Variants in SH3RF3 observed in about 807,000 individuals in gnomAD.
The protein encoded by SH3RF3 is E3 ubiquitin-protein ligase SH3RF3.
In SH3RF3, 29 loss-of-function variants were observed where a neutral mutation model predicts 66.3. The observed-to-expected ratio is 0.44, with a 90% CI of 0.33 to 0.60. The LOEUF is 0.60. Among genes scored for constraint, SH3RF3 ranks in the 20% least tolerant of loss-of-function variants. SH3RF3 has a pLI of 0.04. For missense variants in SH3RF3, 1,194 were observed against 1,190.9 expected (o/e 1.00, Z -0.04); for synonymous variants, 583 against 532.0 (o/e 1.10, Z -1.32).
intron 6 of SH3RF3, among the ~76,000 whole-genome samples, chr2:109,434,752 C>G (rs926837589): frequency 1.3e-5 from 2 of 152,256 alleles, no homozygotes; most frequent in Non-Finnish European, 2.9e-5. Flanking sequence ...CAGGATCCCC[C>G]CTCACAGGCC....
chr2:109,293,141 A>G (rs1050521038), intron 1 of SH3RF3, among the ~76,000 whole-genome samples: 1 of 152,228 alleles, frequency 6.6e-6, no homozygotes. Flanking sequence ...GGAATGGGAC[A>G]CAGGGACAGA....
chr2:109,446,822 G>A lies in SH3RF3; in HGVS notation c.1829-2348G>A, dbSNP rs868107090. Among the ~76,000 whole-genome samples, 13 of 152,168 alleles carry A rather than the reference G, an allele frequency of 8.5e-5. No individual in the cohort carries two copies. In the East Asian group the frequency reaches 1.6e-3, roughly 18 times the overall value. On this transcript the variant is annotated intron_variant, in intron 7 of 9. Transcript: ENST00000309415. ...GTAGTGCGGCAGGCGAGGGGAAGCC[G>A]GCCAGGAGGTAGAGGCCAGCCACGC... is the stretch of plus-strand genomic sequence containing the variant.
Position 109,213,167 on chromosome 2 carries a change from T to C in SH3RF3, c.573+83054T>C, listed in dbSNP as rs373054251. ...GTTTTTAAACTGGGTTTAAACCACA[T>C]GGGCGCGGTTGCTTATTCTCTTCCT... On this transcript the variant is annotated intron_variant, in intron 1 of 9. Transcript: ENST00000309415. Among the ~76,000 whole-genome samples, 7 of 152,244 alleles carry C rather than the reference T, an allele frequency of 4.6e-5. No individual in the cohort carries two copies. In the East Asian group the frequency reaches 9.7e-4, roughly 21 times the overall value.
chr2:109,471,206 CAAAAAAA>C (rs61224177), intron 8 of SH3RF3, among the ~76,000 whole-genome samples: 2,224 of 40,172 alleles, frequency 0.055, 65 homozygotes, highest in African/African-American at 0.13. Flanking sequence ...GACTCTGTCT[CAAAAAAA>C]AAAAAAAAAA....
At chr2:109,407,846 G>A (rs570760490) in intron 4 of SH3RF3, among the ~76,000 whole-genome samples, 33 of 152,208 alleles carry the variant, frequency 2.2e-4, no homozygotes, top group Non-Finnish European at 3.8e-4. Context: ...TGGCCTTTAA[G>A]TGGGGACAGA....
At chr2:109,174,686 T>G (rs1677876934) in intron 1 of SH3RF3, among the ~76,000 whole-genome samples, 1 of 152,262 alleles carries the variant, frequency 6.6e-6, no homozygotes, top group African/African-American at 2.4e-5. Flanking sequence ...GATGATATTT[T>G]CAGGATAGGG....
chr2:109,485,058 A>G (rs1393843581), intron 8 of SH3RF3, among the ~76,000 whole-genome samples: 1 of 152,256 alleles, frequency 6.6e-6, no homozygotes, highest in Non-Finnish European at 1.5e-5. Flanking sequence ...CAGCATGTGC[A>G]GGGTTCTGCA....
At chr2:109,440,415 C>T (rs986086584) in intron 7 of SH3RF3, among the ~76,000 whole-genome samples, 2 of 152,188 alleles carry the variant, frequency 1.3e-5, no homozygotes, top group South Asian at 2.1e-4. Context: ...CATGGAGGTT[C>T]TTCTAGACCA....
At chr2:109,388,179 C>CT (rs1675875632) in intron 3 of SH3RF3, among the ~76,000 whole-genome samples, 1 of 152,196 alleles carries the variant, frequency 6.6e-6, no homozygotes, top group African/African-American at 2.4e-5. Context: ...GGTTGAAATA[C>CT]TTTGTCACTT....
chr2:109,302,023 G>A (rs1380583333), intron 1 of SH3RF3, among the ~76,000 whole-genome samples: 1 of 152,214 alleles, frequency 6.6e-6, no homozygotes, highest in East Asian at 1.9e-4. Context: ...TTCTCAGGAA[G>A]CCATAGAGGT....
intron 1 of SH3RF3, among the ~76,000 whole-genome samples, chr2:109,131,111 T>A (rs867817219): frequency 5.4e-4 from 82 of 152,256 alleles, no homozygotes; most frequent in African/African-American, 1.9e-3. Flanking sequence ...GCCTAGTCCT[T>A]CCACTATGTG....
At position 109,295,200 on chromosome 2, in the gene SH3RF3, G is replaced by A. The variant is rs569713961; in HGVS notation, c.574-52474G>A. On this transcript the variant is annotated intron_variant, in intron 1 of 9. Transcript: ENST00000309415. The stretch of plus-strand genomic sequence containing the variant: ...TCTCCACCCCTGTCCAGTGATGAGC[G>A]AGCTCATGGCAGGCATGCAGGCACC... 2.6e-5 allele frequency among the ~76,000 whole-genome samples: 4 copies of A among 152,344 alleles called. No homozygotes were observed. In the East Asian group the frequency reaches 5.8e-4, roughly 22 times the overall value.
At chr2:109,169,028 C>G (rs188559855) in intron 1 of SH3RF3, among the ~76,000 whole-genome samples, 1 of 152,264 alleles carries the variant, frequency 6.6e-6, no homozygotes, top group Admixed American at 6.5e-5. Flanking sequence ...CAGGACTCTC[C>G]CTTGGTCACT....
At chr2:109,275,866 G>T (rs1319152158) in intron 1 of SH3RF3, among the ~76,000 whole-genome samples, 1 of 152,136 alleles carries the variant, frequency 6.6e-6, no homozygotes, top group Non-Finnish European at 1.5e-5. Context: ...AGGTCGGTTG[G>T]TTTTTTGAGT....
intron 1 of SH3RF3, chr2:109,141,593 T>A (rs1046197872): frequency 6.5e-6 from 1 of 154,892 alleles, no homozygotes. Context: ...ACTGCACTTT[T>A]CTCTATCGTG....
chr2:109,166,469 A>AAAG (rs964798013), intron 1 of SH3RF3, among the ~76,000 whole-genome samples: 4 of 151,350 alleles, frequency 2.6e-5, no homozygotes, highest in Non-Finnish European at 5.9e-5. Context: ...GAAAAAAAAA[A>AAAG]AAAAAGAAAG....
intron 1 of SH3RF3, among the ~76,000 whole-genome samples, chr2:109,232,658 A>G (rs1219743195): frequency 3.3e-5 from 5 of 152,146 alleles, no homozygotes; most frequent in South Asian, 2.1e-4. Flanking sequence ...TTGATTAACA[A>G]TGTTTTAGAG....
chr2:109,215,697 C>G (rs1179485152), intron 1 of SH3RF3, among the ~76,000 whole-genome samples: 1 of 152,146 alleles, frequency 6.6e-6, no homozygotes, highest in African/African-American at 2.4e-5. Context: ...AATCCTACAC[C>G]CAGACCGTGT....
intron 1 of SH3RF3, among the ~76,000 whole-genome samples, chr2:109,339,617 C>T (rs1284349430): frequency 1.3e-5 from 2 of 152,140 alleles, no homozygotes; most frequent in East Asian, 1.9e-4. Flanking sequence ...TTGCCGGTAG[C>T]GAGGCCTTTG....
Sources: allele counts gnomAD v4.1 joint callset (sites outside exome capture counted in the v4.1 genomes callset), GRCh38; gene constraint gnomAD v4.1.1; transcripts MANE v1.5; gene names NCBI Gene and HGNC (gene_info 2026-07-23, HGNC 2026-07-21).